The following TRIM11 variants were observed in gnomAD, a reference collection of about 807,000 sequenced individuals.
TRIM11 encodes tripartite motif containing 11.
In TRIM11, 15 loss-of-function variants were observed where a neutral mutation model predicts 33.4. The ratio of observed to expected loss-of-function variants is 0.45; its 90% confidence interval spans 0.30 to 0.69. The LOEUF is 0.69. Ranked by LOEUF, TRIM11 falls within the 30% of genes least tolerant of loss-of-function variation. TRIM11 has a pLI of 0.08. For synonymous variants in TRIM11, 281 were observed against 302.6 expected (o/e 0.93, Z 0.74); for missense variants, 499 against 667.6 (o/e 0.75, Z 2.78).
rs768838343 is a variant in TRIM11, at chr1:228,394,861, G to A, written c.1251C>T (p.Phe417=). 107 of 1,614,018 alleles carry A rather than the reference G, an allele frequency of 6.6e-5. No individual in the cohort carries two copies. Among genetic ancestry groups the A allele is most frequent in the Non-Finnish European group, 9.1e-5 (107 of 1,180,014 alleles). The change falls in exon 6 of 6, where the codon TTC becomes TTT. Residue 417 remains phenylalanine, a synonymous_variant. Coordinates refer to ENST00000284551, the MANE Select transcript of TRIM11 (RefSeq NM_145214.3). The surrounding 1 kb of genome is among the most constrained non-coding windows in gnomAD (Gnocchi z 6.2). ...FLDYEAGHLS[F]YSATDGSLLF... is the part of the protein sequence containing the mutation. The stretch of plus-strand genomic sequence containing the variant: ...GCAGTGACCCATCGGTGGCACTGTA[G>A]AAAGAGAGATGTCCAGCCTCGTAGT...
At position 228,403,990 on chromosome 1, in the gene TRIM11, G is replaced by A. The variant is rs575276424; in HGVS notation, c.409-1829C>T. 6.6e-6 allele frequency: 1 copy of A among 152,384 alleles called. No individual in the cohort carries two copies. Among genetic ancestry groups the A allele is most frequent in the Non-Finnish European group, 1.5e-5 (1 of 68,054 alleles). The allele number at this position is 152,384 out of a possible 1,614,324, so 9.4% of individuals were successfully genotyped here. ...GTTTTCAACACTAAGGTTACAAACA[G>A]CATTTGATCAGATGGAATGGGCTGT... On this transcript the variant is annotated intron_variant, in intron 1 of 5. Coordinates refer to ENST00000284551, the MANE Select transcript of TRIM11 (RefSeq NM_145214.3). The surrounding 1 kb of genome is among the most constrained non-coding windows in gnomAD (Gnocchi z 4.8).
chr1:228,406,500 T>A lies in TRIM11; in HGVS notation c.62A>T (p.Asp21Val). 6.3e-7 allele frequency: 1 copy of A among 1,584,360 alleles called. No homozygotes were observed. The highest frequency in any genetic ancestry group is 8.6e-7 in the Non-Finnish European group (1 of 1,167,414). The change falls in exon 1 of 6, where the codon GAC (aspartate) becomes GTC (valine). Residue 21 changes from aspartate to valine, a missense_variant. By Grantham distance (152) the Asp-to-Val change is radical (BLOSUM62 -3). Coordinates refer to ENST00000284551, the MANE Select transcript of TRIM11 (RefSeq NM_145214.3). The surrounding 1 kb of genome is among the most constrained non-coding windows in gnomAD (Gnocchi z 8.2). Reference protein sequence around the residue: ...QEEATCAICLDYFTDPVMTDC... With the variant: ...QEEATCAICLVYFTDPVMTDC... ...GGTCATCACCGGATCCGTGAAGTAGTCGAGGCAGATGGCGCAGGTGGCCTC... is the reference window on the plus strand; with the variant it reads ...GGTCATCACCGGATCCGTGAAGTAGACGAGGCAGATGGCGCAGGTGGCCTC...
rs74144619 is a variant in TRIM11 at position 228,393,735 on chromosome 1, G to A, written c.*970C>T. The A allele has an allele frequency of 1.4e-3, 210 of 152,370 alleles. No homozygotes were observed. Among genetic ancestry groups the A allele is most frequent in the African/African-American group, 4.8e-3 (200 of 41,562 alleles). 9.4% of individuals were successfully genotyped at this position (152,370 alleles called of 1,614,324 possible). ...AATGCTTACAATAAATAAAGCAGAG[G>A]GGTAAAGAGAAACAGAACAGTACCT... On this transcript the variant is annotated 3_prime_UTR_variant, in exon 6 of 6. Coordinates refer to ENST00000284551, the MANE Select transcript of TRIM11 (RefSeq NM_145214.3).
chr1:228,399,411 T>C (rs1205536621), intron 3 of TRIM11, among the ~76,000 whole-genome samples: 1 of 152,128 alleles, frequency 6.6e-6, no homozygotes, highest in Non-Finnish European at 1.5e-5. Flanking sequence ...GGTGGGCCAC[T>C]CAGCGGGGTG....
At chr1:228,399,179 C>T (rs1420022621) in intron 3 of TRIM11, among the ~76,000 whole-genome samples, 2 of 152,068 alleles carry the variant, frequency 1.3e-5, no homozygotes, top group Admixed American at 6.5e-5. Flanking sequence ...CCTACCCAAC[C>T]GGGGGCCAAG....
Position 228,406,598 on chromosome 1 carries a change from G to C in TRIM11, c.-37C>G, listed in dbSNP as rs1477133593. 9 of 1,404,722 alleles carry C rather than the reference G, an allele frequency of 6.4e-6. No homozygotes were observed. The highest frequency in any genetic ancestry group is 1.5e-5 in the African/African-American group (1 of 67,554). The allele number at this position is 1,404,722 out of a possible 1,614,324, so 87.0% of individuals were successfully genotyped here. A position where few individuals can be genotyped will look rare whatever the true frequency, so the allele number is the denominator to read the frequency against. ...AGGGGAGGAAGGCGGTACTGTCCGC[G>C]GGGCGGCGGCGGGCGGCCTCGGCAG... On this transcript the variant is annotated 5_prime_UTR_variant, in exon 1 of 6. Coordinates refer to ENST00000284551, the MANE Select transcript of TRIM11 (RefSeq NM_145214.3). The surrounding 1 kb of genome is among the most constrained non-coding windows in gnomAD (Gnocchi z 8.2).
In TRIM11 at chr1:228,394,487, A is replaced by AG. The variant is rs2074959866; in HGVS notation, c.*217dup. 1 of 560,574 alleles carries AG rather than the reference A, an allele frequency of 1.8e-6. No homozygotes were observed. 34.7% of individuals were successfully genotyped at this position (560,574 alleles called of 1,614,324 possible). A position where few individuals can be genotyped will look rare whatever the true frequency, so the allele number is the denominator to read the frequency against. ...GCATTAAGTGGCACCCGGTGGCTGG[A>AG]GGGGTCTCCCAGGGAGGACGGAGCC... On this transcript the variant is annotated 3_prime_UTR_variant, in exon 6 of 6. Transcript: ENST00000284551. The surrounding 1 kb of genome is among the most constrained non-coding windows in gnomAD (Gnocchi z 6.2).
chr1:228,396,473 G>A lies in TRIM11; in HGVS notation c.859+474C>T, dbSNP rs2074987515. On this transcript the variant is annotated intron_variant, in intron 5 of 5. Transcript: ENST00000284551. ...GTGTCTCTTCCATTTGGCTCTTCCT[G>A]AGTGGTATCCTTCACAATAAACCAA... is the stretch of plus-strand genomic sequence containing the variant. The A allele has an allele frequency of 8.6e-6, 5 of 581,658 alleles. No homozygotes were observed. The Admixed American group carries it at 1.2e-4, about 14-fold the overall frequency. 36.0% of individuals were successfully genotyped at this position (581,658 alleles called of 1,614,324 possible). A position where few individuals can be genotyped will look rare whatever the true frequency, so the allele number is the denominator to read the frequency against.
chr1:228,400,340 G>C lies in TRIM11; in HGVS notation c.735+624C>G, dbSNP rs1241214699. On this transcript the variant is annotated intron_variant, in intron 3 of 5. Transcript: ENST00000284551. The surrounding 1 kb of genome is among the most constrained non-coding windows in gnomAD (Gnocchi z 4.5). ...TCAGTGCACGCTTGCCAAGCGGAGA[G>C]AGCTGACTCCAGGCCCCCTGACCTG... is the stretch of plus-strand genomic sequence containing the variant. Among the ~76,000 whole-genome samples the C allele has an allele frequency of 6.6e-6, 1 of 152,252 alleles. No homozygotes were observed. The highest frequency in any genetic ancestry group is 1.5e-5 in the Non-Finnish European group (1 of 68,046).
Position 228,394,613 on chromosome 1 carries a change from C to T in TRIM11, c.*92G>A. ...AGTTCCTCCTCTTGCTCAAAGGACA[C>T]ACTCCCTCCTCCCAGGTCCTCCAAG... is the stretch of plus-strand genomic sequence containing the variant. On this transcript the variant is annotated 3_prime_UTR_variant, in exon 6 of 6. Transcript: ENST00000284551. This position sits in a 1 kb window ranked among gnomAD's most constrained non-coding sequence, Gnocchi z 6.2. 1.5e-6 allele frequency: 2 copies of T among 1,370,110 alleles called. No homozygotes were observed. The highest frequency in any genetic ancestry group is 1.5e-5 in the South Asian group (1 of 67,424). 84.9% of individuals were successfully genotyped at this position (1,370,110 alleles called of 1,614,324 possible). A position where few individuals can be genotyped will look rare whatever the true frequency, so the allele number is the denominator to read the frequency against.
rs1296442464 is a variant in TRIM11 at position 228,406,192 on chromosome 1, G to A, written c.370C>T (p.Arg124Cys). The A allele has an allele frequency of 1.4e-6, 2 of 1,440,014 alleles. No individual in the cohort carries two copies. Among genetic ancestry groups the A allele is most frequent in the South Asian group, 1.4e-5 (1 of 72,748 alleles). The allele number at this position is 1,440,014 out of a possible 1,614,324, so 89.2% of individuals were successfully genotyped here. Residue 124 changes from arginine to cysteine, a missense_variant, in exon 1 of 6, where the codon CGC becomes TGC. Coordinates refer to ENST00000284551, the MANE Select transcript of TRIM11 (RefSeq NM_145214.3). The surrounding 1 kb of genome is among the most constrained non-coding windows in gnomAD (Gnocchi z 8.2). ...GCCGCGTCCTGCAGCGGCCGCACGC[G>A]GTGCGCCCAGTGCTCCCCAGAGCGC... is the stretch of plus-strand genomic sequence containing the variant. ...CERSGEHWAH[R>C]VRPLQDAAED...
chr1:228,406,068 G>T lies in TRIM11; in HGVS notation c.408+86C>A. 7.7e-7 allele frequency: 1 copy of T among 1,290,588 alleles called. No homozygotes were observed. Among genetic ancestry groups the T allele is most frequent in the Non-Finnish European group, 9.9e-7 (1 of 1,009,756 alleles). The allele number at this position is 1,290,588 out of a possible 1,614,324, so 79.9% of individuals were successfully genotyped here. A position where few individuals can be genotyped will look rare whatever the true frequency, so the allele number is the denominator to read the frequency against. ...TAGACAGAGACAGATTACTCCCGGA[G>T]CAGTCCCCCAAACCTCCCACCCGCC... is the stretch of plus-strand genomic sequence containing the variant. On this transcript the variant is annotated intron_variant, in intron 1 of 5. Coordinates refer to ENST00000284551, the MANE Select transcript of TRIM11 (RefSeq NM_145214.3). This position sits in a 1 kb window ranked among gnomAD's most constrained non-coding sequence, Gnocchi z 8.2.
rs148111697 is a variant in TRIM11, at chr1:228,401,278, C to G, written c.505-84G>C. On this transcript the variant is annotated intron_variant, in intron 2 of 5. Coordinates refer to ENST00000284551, the MANE Select transcript of TRIM11 (RefSeq NM_145214.3). This position sits in a 1 kb window ranked among gnomAD's most constrained non-coding sequence, Gnocchi z 6.1. The stretch of plus-strand genomic sequence containing the variant: ...AGTTTGGTCAGACCCCAAGCCCACC[C>G]AGAGGCCTGGCTGCACCCAACCCCA... 50,753 of 1,500,702 alleles carry G rather than the reference C, an allele frequency of 0.034. 954 individuals are homozygous for G. Among genetic ancestry groups the G allele is most frequent in the Non-Finnish European group, 0.04 (44,925 of 1,115,550 alleles). The allele number at this position is 1,500,702 out of a possible 1,614,324, so 93.0% of individuals were successfully genotyped here. A position where few individuals can be genotyped will look rare whatever the true frequency, so the allele number is the denominator to read the frequency against.
chr1:228,394,396 A>G lies in TRIM11; in HGVS notation c.*309T>C, dbSNP rs4653953. The G allele has an allele frequency of 0.021, 8,371 of 394,284 alleles. 174 individuals are homozygous for G. The highest frequency in any genetic ancestry group is 0.067 in the East Asian group (1,630 of 24,484). 24.4% of individuals were successfully genotyped at this position (394,284 alleles called of 1,614,324 possible). A position where few individuals can be genotyped will look rare whatever the true frequency, so the allele number is the denominator to read the frequency against. ...CTGCAAGCCCCAGTGGAGTTTTCTC[A>G]GCTTCTGGAACCACAGGCCAGAGCT... is the stretch of plus-strand genomic sequence containing the variant. On this transcript the variant is annotated 3_prime_UTR_variant, in exon 6 of 6. Coordinates refer to ENST00000284551, the MANE Select transcript of TRIM11 (RefSeq NM_145214.3). The surrounding 1 kb of genome is among the most constrained non-coding windows in gnomAD (Gnocchi z 6.2).
rs1212667677 is a variant in TRIM11, at chr1:228,400,634, C to G, written c.735+330G>C. Among the ~76,000 whole-genome samples, 1 of 152,318 alleles carries G rather than the reference C, an allele frequency of 6.6e-6. No individual in the cohort carries two copies. Among genetic ancestry groups the G allele is most frequent in the African/African-American group, 2.4e-5 (1 of 41,558 alleles). ...CCAAGGTGGTCCCAGCGAGCACATG[C>G]CCACTCTGCTGTGCCCACAGGGAGC... is the stretch of plus-strand genomic sequence containing the variant. On this transcript the variant is annotated intron_variant, in intron 3 of 5. Transcript: ENST00000284551. The surrounding 1 kb of genome is among the most constrained non-coding windows in gnomAD (Gnocchi z 4.5).
chr1:228,401,538 C>T lies in TRIM11; in HGVS notation c.505-344G>A, dbSNP rs916686447. Among the ~76,000 whole-genome samples, 2 of 152,070 alleles carry T rather than the reference C, an allele frequency of 1.3e-5. No individual in the cohort carries two copies. The highest frequency in any genetic ancestry group is 2.4e-5 in the African/African-American group (1 of 41,398). ...CTAGTCCCTCCCCAACTTCCAAATC[C>T]ACCCATTGGCTTGGTAGAACCCTGC... On this transcript the variant is annotated intron_variant, in intron 2 of 5. Transcript: ENST00000284551. The surrounding 1 kb of genome is among the most constrained non-coding windows in gnomAD (Gnocchi z 6.1).
chr1:228,397,653 T>C (rs1201194257), intron 3 of TRIM11: 1 of 162,040 alleles, frequency 6.2e-6, no homozygotes, highest in Non-Finnish European at 1.3e-5. Context: ...CCTTCCTGTG[T>C]CACTGCCTGA....
chr1:228,402,143 G>A lies in TRIM11; in HGVS notation c.427C>T (p.Leu143=). Reference sequence around the variant, plus strand: ...TGCATCTGCTTCCGGAGATGCTCCAGTGACTTCTCCAGCTTCGCCTGCGGG... The same window carrying A: ...TGCATCTGCTTCCGGAGATGCTCCAATGACTTCTCCAGCTTCGCCTGCGGG... ...EDLKAKLEKS[L]EHLRKQMQDA... Residue 143 remains leucine (L), a synonymous_variant, in exon 2 of 6, where the codon CTG becomes TTG. Transcript: ENST00000284551. 1 of 1,612,970 alleles carries A rather than the reference G, an allele frequency of 6.2e-7. No individual in the cohort carries two copies. Among genetic ancestry groups the A allele is most frequent in the Non-Finnish European group, 8.5e-7 (1 of 1,179,462 alleles).
At chr1:228,398,371 A>C (rs1002386326) in intron 3 of TRIM11, among the ~76,000 whole-genome samples, 14 of 152,178 alleles carry the variant, frequency 9.2e-5, no homozygotes, top group Admixed American at 7.2e-4. Context: ...GGAGGCCAGC[A>C]CTTTGGGAGG....
Sources: gnomAD v4.1 joint callset for allele counts (sites outside exome capture counted in the v4.1 genomes callset) on GRCh38, gnomAD v4.1.1 for gene constraint, Gnocchi (gnomAD v3.1) non-coding constraint, MANE v1.5 for transcripts, NCBI Gene and HGNC (gene_info 2026-07-23, HGNC 2026-07-21) for gene names.